Variants in ARID3A observed in about 807,000 individuals in gnomAD.
ARID3A encodes the protein AT-rich interactive domain-containing protein 3A.
Under a neutral mutation model 52.7 loss-of-function variants are expected in ARID3A, and 11 were observed. The ratio of observed to expected loss-of-function variants is 0.21; its 90% CI spans 0.13 to 0.35. ARID3A has a LOEUF of 0.35. Among genes scored for constraint, ARID3A ranks in the 10% least tolerant of loss-of-function variants. The pLI is 1.00. For synonymous variants in ARID3A, 404 were observed against 359.4 expected (o/e 1.12, Z -1.40); for missense variants, 721 against 838.5 (o/e 0.86, Z 1.73).
intron 3 of ARID3A, among the ~76,000 whole-genome samples, chr19:950,272 T>G (rs1174911090): frequency 0.022 from 106 of 4,742 alleles, 28 homozygotes; most frequent in African/African-American, 0.17. Flanking sequence ...AGGGAACGGA[T>G]GGATGAGGCC....
Position 944,725 on chromosome 19 carries a change from C to T in ARID3A, c.693+11983C>T, listed in dbSNP as rs370426646. 4.6e-5 allele frequency among the ~76,000 whole-genome samples: 7 copies of T among 152,090 alleles called. No individual in the cohort carries two copies. The East Asian group carries it at 7.7e-4, about 17-fold the overall frequency. ...ACTGCAGCCTCGACCTCCCGGGCTC[C>T]GGTGATCTTCCCGTGTCAGCCTCCT... On this transcript the variant is annotated intron_variant, in intron 3 of 8. Transcript: ENST00000263620. The surrounding 1 kb of genome is among the most constrained non-coding windows in gnomAD (Gnocchi z 5.9).
rs2038361879 is a variant in ARID3A at position 975,591 on chromosome 19, G to A, written c.*3526G>A. 5.5e-6 allele frequency: 1 copy of A among 183,352 alleles called. No homozygotes were observed. The allele number at this position is 183,352 out of a possible 1,614,324, so 11.4% of individuals were successfully genotyped here. A position where few individuals can be genotyped will look rare whatever the true frequency, so the allele number is the denominator to read the frequency against. ...ACCACGCCTGAAACTCAGGTAATAGGAGGAAAAAAAAAAAAACTTAAAAAA... is the reference window on the plus strand; with the variant it reads ...ACCACGCCTGAAACTCAGGTAATAGAAGGAAAAAAAAAAAAACTTAAAAAA... On this transcript the variant is annotated 3_prime_UTR_variant, in exon 9 of 9. Coordinates refer to ENST00000263620, the MANE Select transcript of ARID3A (RefSeq NM_005224.3).
intron 3 of ARID3A, among the ~76,000 whole-genome samples, chr19:956,113 CG>C (rs1352601646): frequency 6.6e-6 from 1 of 152,130 alleles, no homozygotes; most frequent in Non-Finnish European, 1.5e-5. Context: ...TTCCAAATAA[CG>C]TCTCGTTCTG....
chr19:952,505 A>G (rs2037823202), intron 3 of ARID3A, among the ~76,000 whole-genome samples: 1 of 149,730 alleles, frequency 6.7e-6, no homozygotes, highest in South Asian at 2.1e-4. Flanking sequence ...TCTCTCTGCC[A>G]AGTCTCGGGC....
chr19:944,525 G>A lies in ARID3A; in HGVS notation c.693+11783G>A, dbSNP rs545224209. Among the ~76,000 whole-genome samples the A allele has an allele frequency of 1.4e-4, 22 of 152,320 alleles. No individual in the cohort carries two copies. The South Asian group carries it at 4.6e-3, about 32-fold the overall frequency. On this transcript the variant is annotated intron_variant, in intron 3 of 8. Transcript: ENST00000263620. The surrounding 1 kb of genome is among the most constrained non-coding windows in gnomAD (Gnocchi z 5.9). ...GGGCACCACGCTCACTGCTACAAAT[G>A]TGGGTCTTCCGGGCAAGTGAGCGTC... is the stretch of plus-strand genomic sequence containing the variant.
rs561825114 is a variant in ARID3A at position 967,435 on chromosome 19, T to C, written c.1495+567T>C. ...TTAGCTGGGCGTGGTGACACGCTCC[T>C]GTAGCCCCAGCTACTCGGGAGGCTG... On this transcript the variant is annotated intron_variant, in intron 7 of 8. Coordinates refer to ENST00000263620, the MANE Select transcript of ARID3A (RefSeq NM_005224.3). Among the ~76,000 whole-genome samples, 116 of 152,268 alleles carry C rather than the reference T, an allele frequency of 7.6e-4. No individual in the cohort carries two copies. In the Middle Eastern group the frequency reaches 0.01, roughly 13 times the overall value.
Position 939,412 on chromosome 19 carries a change from C to T in ARID3A, c.693+6670C>T, listed in dbSNP as rs150424099. On this transcript the variant is annotated intron_variant, in intron 3 of 8. Transcript: ENST00000263620. ...GATGACAGGCCTGAGCCACCGCGCC[C>T]GGCCTCTCGATACACTTTTGGTTCC... Among the ~76,000 whole-genome samples the T allele has an allele frequency of 2.0e-3, 311 of 152,282 alleles. 2 individuals are homozygous for T. Among genetic ancestry groups the T allele is most frequent in the African/African-American group, 7.0e-3 (289 of 41,558 alleles).
At chr19:934,781 T>C (rs1295601174) in intron 3 of ARID3A, among the ~76,000 whole-genome samples, 3 of 152,010 alleles carry the variant, frequency 2.0e-5, no homozygotes, top group African/African-American at 7.3e-5. Context: ...CCTGTGACTT[T>C]TTTTTCTCTA....
At position 966,568 on chromosome 19, in the gene ARID3A, C is replaced by T. The variant is rs1460030064; in HGVS notation, c.1199-4C>T. ...GCCACCAATTCCCCTTTTTTCCTAC[C>T]TAGAGGAGGACTCAGCCATCCCCAT... is the stretch of plus-strand genomic sequence containing the variant. On this transcript the variant is annotated splice_polypyrimidine_tract_variant and splice_region_variant and intron_variant, in intron 6 of 8. Transcript: ENST00000263620. The T allele has an allele frequency of 6.5e-7, 1 of 1,533,272 alleles. No homozygotes were observed. Among genetic ancestry groups the T allele is most frequent in the South Asian group, 1.2e-5 (1 of 80,182 alleles). 95.0% of individuals were successfully genotyped at this position (1,533,272 alleles called of 1,614,324 possible). A position where few individuals can be genotyped will look rare whatever the true frequency, so the allele number is the denominator to read the frequency against.
At chr19:936,245 A>G (rs1413153349) in intron 3 of ARID3A, among the ~76,000 whole-genome samples, 1 of 152,194 alleles carries the variant, frequency 6.6e-6, no homozygotes, top group Non-Finnish European at 1.5e-5. Flanking sequence ...ATGCCATACA[A>G]TTCACTGTTT....
chr19:930,033 G>A (rs2037288970), intron 2 of ARID3A, 137 bp downstream of exon 2: 2 of 1,295,386 alleles, frequency 1.5e-6, no homozygotes, highest in East Asian at 2.6e-5. Context: ...AGAGGCCGAC[G>A]TGGGAGGATC....
chr19:963,075 T>A (rs2038076970), intron 4 of ARID3A, among the ~76,000 whole-genome samples: 1 of 152,164 alleles, frequency 6.6e-6, no homozygotes, highest in Non-Finnish European at 1.5e-5. Flanking sequence ...GGGAGGTGTT[T>A]CTGGAAGGTC....
At chr19:937,930 G>C (rs1281305312) in intron 3 of ARID3A, among the ~76,000 whole-genome samples, 1 of 151,770 alleles carries the variant, frequency 6.6e-6, no homozygotes, top group Non-Finnish European at 1.5e-5. Context: ...GGATGGTCTC[G>C]ATCTCTTGAC....
intron 8 of ARID3A, among the ~76,000 whole-genome samples, chr19:969,783 G>A (rs1319999466): frequency 2.0e-5 from 3 of 150,716 alleles, no homozygotes; most frequent in African/African-American, 7.3e-5. Context: ...TGCCTCCTGG[G>A]TTCGAGCGAT....
intron 3 of ARID3A, among the ~76,000 whole-genome samples, chr19:954,987 G>A (rs367817559): frequency 5.3e-5 from 8 of 152,294 alleles, no homozygotes; most frequent in African/African-American, 1.9e-4. Flanking sequence ...CGGAGATTTT[G>A]CCCAATCTCC....
Position 941,462 on chromosome 19 carries a change from C to T in ARID3A, c.693+8720C>T, listed in dbSNP as rs1411595719. ...CCCGCCTGCGTGTCCCCAGCCAGCA[C>T]CACGGTGTTCGTTTAGGTCTCTGTG... is the stretch of plus-strand genomic sequence containing the variant. On this transcript the variant is annotated intron_variant, in intron 3 of 8. Coordinates refer to ENST00000263620, the MANE Select transcript of ARID3A (RefSeq NM_005224.3). This position sits in a 1 kb window ranked among gnomAD's most constrained non-coding sequence, Gnocchi z 6.9. Among the ~76,000 whole-genome samples the T allele has an allele frequency of 2.0e-5, 3 of 152,222 alleles. No homozygotes were observed. The highest frequency in any genetic ancestry group is 4.8e-5 in the African/African-American group (2 of 41,458).
intron 3 of ARID3A, among the ~76,000 whole-genome samples, chr19:933,848 G>C (rs1023238192): frequency 4.2e-5 from 6 of 141,844 alleles, no homozygotes; most frequent in Non-Finnish European, 6.2e-5. Context: ...GGACTCGGTG[G>C]GGGGGGGGGG....
chr19:959,165 G>C lies in ARID3A; in HGVS notation c.694-927G>C, dbSNP rs758918652. Among the ~76,000 whole-genome samples, 65 of 152,352 alleles carry C rather than the reference G, an allele frequency of 4.3e-4. No individual in the cohort carries two copies. Among genetic ancestry groups the C allele is most frequent in the Non-Finnish European group, 8.8e-4 (60 of 68,036 alleles). On this transcript the variant is annotated intron_variant, in intron 3 of 8. Coordinates refer to ENST00000263620, the MANE Select transcript of ARID3A (RefSeq NM_005224.3). This position sits in a 1 kb window ranked among gnomAD's most constrained non-coding sequence, Gnocchi z 5.0. Reference sequence around the variant, plus strand: ...TGCACGAAGACAGAGGCAGAGGCTGGAGCGACGCGGCCACAAGCCCAGGAA... The same window carrying C: ...TGCACGAAGACAGAGGCAGAGGCTGCAGCGACGCGGCCACAAGCCCAGGAA...
intron 8 of ARID3A, among the ~76,000 whole-genome samples, chr19:971,110 T>G (rs1170145970): frequency 6.6e-6 from 1 of 152,208 alleles, no homozygotes. Flanking sequence ...ATGTGTGGAT[T>G]AAACACACGT....
Sources: allele counts gnomAD v4.1 joint callset (sites outside exome capture counted in the v4.1 genomes callset), GRCh38; gene constraint gnomAD v4.1.1; non-coding constraint Gnocchi (gnomAD v3.1); transcripts MANE v1.5; gene names NCBI Gene and HGNC (gene_info 2026-07-23, HGNC 2026-07-21).